Variants in ZBTB7C observed in about 807,000 individuals in gnomAD.
ZBTB7C encodes the protein zinc finger and BTB domain containing 7C.
In ZBTB7C, 8 loss-of-function variants were observed where a neutral mutation model predicts 25.7. The observed-to-expected ratio is 0.31, with a 90% CI of 0.18 to 0.56. The LOEUF is 0.56. Among genes scored for constraint, ZBTB7C ranks in the 20% least tolerant of loss-of-function variants. The pLI is 0.91. For missense variants in ZBTB7C, 824 were observed against 855.2 expected (o/e 0.96, Z 0.46); for synonymous variants, 394 against 369.0 (o/e 1.07, Z -0.78).
At chr18:48,359,672 G>A (rs1363478413) in intron 1 of ZBTB7C, among the ~76,000 whole-genome samples, 1 of 152,210 alleles carries the variant, frequency 6.6e-6, no homozygotes, top group East Asian at 1.9e-4. Context: ...ATGTCACTTT[G>A]TGACTGTAAC....
At chr18:48,182,024 C>A (rs960954100) in intron 3 of ZBTB7C, among the ~76,000 whole-genome samples, 1 of 152,180 alleles carries the variant, frequency 6.6e-6, no homozygotes, top group African/African-American at 2.4e-5. Context: ...ACAGCACCCA[C>A]CCCACCAGAG....
intron 2 of ZBTB7C, among the ~76,000 whole-genome samples, chr18:48,204,319 A>T (rs560273656): frequency 6.6e-6 from 1 of 152,150 alleles, no homozygotes; most frequent in South Asian, 2.1e-4. Flanking sequence ...TACCCACCCC[A>T]TTCCACACGG....
In ZBTB7C at chr18:48,036,785, G is replaced by A. The variant is rs922636228; in HGVS notation, c.1208+3115C>T. Among the ~76,000 whole-genome samples the A allele has an allele frequency of 3.3e-5, 5 of 152,288 alleles. No individual in the cohort carries two copies. The East Asian group carries it at 9.7e-4, about 29-fold the overall frequency. ...GCTGCTGAAGAGCTTCCAGGTGGAA[G>A]GGGCAGGTGTTAGGAATCGCGTTGG... On this transcript the variant is annotated intron_variant, in intron 4 of 4. Transcript: ENST00000590800.
At chr18:48,099,443 T>G (rs1227611866) in intron 3 of ZBTB7C, among the ~76,000 whole-genome samples, 1 of 152,220 alleles carries the variant, frequency 6.6e-6, no homozygotes, top group Non-Finnish European at 1.5e-5. Context: ...CTGCGGGCTT[T>G]CCCCAATATC....
At chr18:48,185,017 T>C (rs1338476929) in intron 3 of ZBTB7C, among the ~76,000 whole-genome samples, 1 of 152,152 alleles carries the variant, frequency 6.6e-6, no homozygotes, top group African/African-American at 2.4e-5. Context: ...CTAAATTTTA[T>C]TTACATAGGT....
At chr18:48,322,680 C>A (rs1332612561) in intron 2 of ZBTB7C, among the ~76,000 whole-genome samples, 1 of 152,208 alleles carries the variant, frequency 6.6e-6, no homozygotes, top group Non-Finnish European at 1.5e-5. Flanking sequence ...TTTGATCCAG[C>A]AATTCCACTA....
intron 2 of ZBTB7C, among the ~76,000 whole-genome samples, chr18:48,332,651 G>A (rs2144918636): frequency 7.3e-6 from 1 of 136,670 alleles, no homozygotes; most frequent in South Asian, 2.5e-4. Flanking sequence ...CTGTTTTTTG[G>A]TGACCTTTTA....
intron 3 of ZBTB7C, chr18:48,162,269 G>A (rs1307438920): frequency 3.2e-5 from 14 of 438,492 alleles, no homozygotes; most frequent in Non-Finnish European, 6.1e-5. Context: ...GCCACGGGGA[G>A]CTAAAGGAGG....
At chr18:48,058,886 C>T (rs767218832) in intron 3 of ZBTB7C, among the ~76,000 whole-genome samples, 1 of 152,184 alleles carries the variant, frequency 6.6e-6, no homozygotes, top group Non-Finnish European at 1.5e-5. Context: ...ACTGAGGCCT[C>T]CCATCAACGG....
intron 1 of ZBTB7C, among the ~76,000 whole-genome samples, chr18:48,393,668 C>T (rs564473113): frequency 6.6e-6 from 1 of 152,090 alleles, no homozygotes; most frequent in African/African-American, 2.4e-5. Context: ...CACACACACA[C>T]GCACACAGAG....
At position 48,040,957 on chromosome 18, in the gene ZBTB7C, C is replaced by T. The variant is rs549573381; in HGVS notation, c.151G>A (p.Val51Ile). The T allele has an allele frequency of 2.7e-5, 43 of 1,614,174 alleles. No individual in the cohort carries two copies. The highest frequency in any genetic ancestry group is 5.3e-5 in the African/African-American group (4 of 75,044). ...QEQEYRTHRS[V>I]LAACSKYFKK... ...AAGTACTTGCTGCAGGCAGCCAGGA[C>T]GGAGCGGTGGGTCCGATACTCCTGC... The change falls in exon 4 of 5, where the codon GTC becomes ATC. Residue 51 changes from valine (V) to isoleucine (I), a missense_variant. Val to Ile is a conservative substitution (Grantham distance 29). Around this residue, in one of 4 missense-constraint regions of ZBTB7C, gnomAD observed 117 missense variants for 167.7 expected, o/e 0.70. Coordinates refer to ENST00000590800, the MANE Select transcript of ZBTB7C (RefSeq NM_001318841.2).
chr18:48,255,424 T>C (rs1442608079), intron 2 of ZBTB7C, among the ~76,000 whole-genome samples: 2 of 152,238 alleles, frequency 1.3e-5, no homozygotes, highest in Non-Finnish European at 2.9e-5. Context: ...TGGTTTGGAC[T>C]GAGCTCCTGC....
chr18:48,296,847 G>T (rs539432032), intron 2 of ZBTB7C, among the ~76,000 whole-genome samples: 1 of 152,124 alleles, frequency 6.6e-6, no homozygotes, highest in Non-Finnish European at 1.5e-5. Flanking sequence ...TCACAGGAGC[G>T]CGAACTCTAT....
At chr18:48,221,111 C>T (rs757054792) in intron 2 of ZBTB7C, among the ~76,000 whole-genome samples, 4 of 150,452 alleles carry the variant, frequency 2.7e-5, no homozygotes, top group Non-Finnish European at 5.9e-5. Flanking sequence ...CTCCTCTATA[C>T]TGCCCTTGTC....
chr18:48,235,323 G>A (rs575950701), intron 2 of ZBTB7C, among the ~76,000 whole-genome samples: 16 of 151,916 alleles, frequency 1.1e-4, no homozygotes, highest in East Asian at 5.8e-4. Flanking sequence ...CCATTTCTAC[G>A]TTTTAGTGCT....
intron 2 of ZBTB7C, among the ~76,000 whole-genome samples, chr18:48,187,934 G>C (rs1348363595): frequency 6.6e-6 from 1 of 151,866 alleles, no homozygotes; most frequent in Non-Finnish European, 1.5e-5. Flanking sequence ...CGTTTGAAAA[G>C]ATGTAAAAGT....
chr18:48,126,913 C>A (rs1017237919), intron 3 of ZBTB7C, among the ~76,000 whole-genome samples: 1 of 151,390 alleles, frequency 6.6e-6, no homozygotes, highest in Non-Finnish European at 1.5e-5. Context: ...GAAGGGGGAG[C>A]AAAAGAAATA....
chr18:48,243,271 A>T (rs1453212790), intron 2 of ZBTB7C, among the ~76,000 whole-genome samples: 1 of 11,074 alleles, frequency 9.0e-5, no homozygotes, highest in Non-Finnish European at 4.4e-4. Context: ...ACCCCCCCAC[A>T]AAAAAAAAAA....
intron 1 of ZBTB7C, among the ~76,000 whole-genome samples, chr18:48,345,798 G>A (rs999265825): frequency 1.3e-5 from 2 of 152,158 alleles, no homozygotes; most frequent in African/African-American, 4.8e-5. Context: ...TTTGCACTCT[G>A]GCAAACCAAG....
Sources: gnomAD v4.1 joint callset for allele counts (sites outside exome capture counted in the v4.1 genomes callset) on GRCh38, gnomAD v4.1.1 for gene constraint, gnomAD v4.1.1 regional missense constraint, MANE v1.5 for transcripts, NCBI Gene and HGNC (gene_info 2026-07-23, HGNC 2026-07-21) for gene names.